The following TENM2 variants were observed in gnomAD, a reference collection of about 807,000 sequenced individuals.
TENM2 encodes the protein teneurin-2.
Under a neutral mutation model 245.2 loss-of-function variants are expected in TENM2, and 52 were observed. That is an observed-to-expected ratio of 0.21 (90% CI 0.17 to 0.27). The LOEUF (loss-of-function observed/expected upper bound fraction) is 0.27. Ranked by LOEUF, TENM2 falls within the 10% of genes least tolerant of loss-of-function variation. The pLI is 1.00. For missense variants in TENM2, 3,046 were observed against 3,666.8 expected, an observed-to-expected ratio of 0.83 and a Z score of 4.37; for synonymous variants, 1,363 against 1,438.9, an observed-to-expected ratio of 0.95 and a Z score of 1.19.
the TENM2 span, among the ~76,000 whole-genome samples, chr5:167,047,190 T>TCCG: frequency 6.6e-6 from 1 of 152,260 alleles, no homozygotes; most frequent in African/African-American, 2.4e-5. Context: ...TATCTGAATA[T>TCCG]TCTTCTTACA....
intron 2 of TENM2, among the ~76,000 whole-genome samples, chr5:167,761,833 C>T (rs773190846): frequency 6.6e-6 from 1 of 152,150 alleles, no homozygotes; most frequent in Non-Finnish European, 1.5e-5. Flanking sequence ...TCCATAGACA[C>T]ATTCAGCAAT....
chr5:167,185,631 T>A, the TENM2 span, among the ~76,000 whole-genome samples: 2 of 152,144 alleles, frequency 1.3e-5, no homozygotes, highest in African/African-American at 4.8e-5. Context: ...CTAGTTAGTC[T>A]TATATAAACT....
At chr5:168,198,188 CTT>C (rs35539116) in intron 15 of TENM2, among the ~76,000 whole-genome samples, 93 of 95,822 alleles carry the variant, frequency 9.7e-4, no homozygotes, top group African/African-American at 3.8e-3. Context: ...CCAATGAACC[CTT>C]TTTTTTTTTT....
At chr5:166,981,308 T>C in the TENM2 span, among the ~76,000 whole-genome samples, 2 of 152,338 alleles carry the variant, frequency 1.3e-5, no homozygotes, top group Non-Finnish European at 2.9e-5. Flanking sequence ...TTTTAAAATA[T>C]TTTCATGGAC....
At chr5:167,141,212 C>G in the TENM2 span, among the ~76,000 whole-genome samples, 1 of 152,144 alleles carries the variant, frequency 6.6e-6, no homozygotes, top group Admixed American at 6.5e-5. Context: ...GTATATTAGT[C>G]AATGGAAATT....
intron 3 of TENM2, among the ~76,000 whole-genome samples, chr5:167,892,361 G>A (rs547050359): frequency 1.3e-4 from 20 of 152,270 alleles, no homozygotes; most frequent in Non-Finnish European, 2.4e-4. Context: ...AATCAAATTA[G>A]GTCAGTCTTC....
At chr5:167,756,623 C>T (rs1243419978) in intron 2 of TENM2, among the ~76,000 whole-genome samples, 3 of 152,162 alleles carry the variant, frequency 2.0e-5, no homozygotes, top group Admixed American at 2.0e-4. Flanking sequence ...GGAACAAGGA[C>T]ATGTATCCCC....
At chr5:167,647,783 G>A (rs528236583) in intron 2 of TENM2, among the ~76,000 whole-genome samples, 1 of 152,110 alleles carries the variant, frequency 6.6e-6, no homozygotes, top group African/African-American at 2.4e-5. Context: ...TCTGTAGGAG[G>A]TGCTTGTAAG....
At chr5:168,227,516 CTTTT>C (rs56834297) in intron 24 of TENM2, among the ~76,000 whole-genome samples, 35 of 130,616 alleles carry the variant, frequency 2.7e-4, no homozygotes, top group African/African-American at 8.9e-4. Flanking sequence ...ATTTGCCTTT[CTTTT>C]TTTTTTTTTT....
At chr5:168,016,536 T>C (rs1019194297) in intron 5 of TENM2, among the ~76,000 whole-genome samples, 9 of 152,044 alleles carry the variant, frequency 5.9e-5, no homozygotes, top group African/African-American at 1.7e-4. Context: ...AGAGCAAGAG[T>C]GGCTTCAAAG....
chr5:168,184,095 A>G (rs1198795573), intron 13 of TENM2, among the ~76,000 whole-genome samples: 1 of 152,178 alleles, frequency 6.6e-6, no homozygotes, highest in East Asian at 1.9e-4. Flanking sequence ...CAAGGTAACT[A>G]CAACTTCTAA....
intron 1 of TENM2, among the ~76,000 whole-genome samples, chr5:167,317,801 T>C (rs1756461708): frequency 6.6e-6 from 1 of 152,140 alleles, no homozygotes; most frequent in Non-Finnish European, 1.5e-5. Flanking sequence ...CCTGCTGAGA[T>C]CATTGTGTGG....
the TENM2 span, among the ~76,000 whole-genome samples, chr5:167,029,796 ATTAT>A: frequency 2.4e-4 from 37 of 152,272 alleles, no homozygotes; most frequent in Non-Finnish European, 4.7e-4. Flanking sequence ...ATGTTACTTT[ATTAT>A]TTTCACAATC....
intron 4 of TENM2, among the ~76,000 whole-genome samples, chr5:167,959,051 C>T (rs1780783751): frequency 6.6e-6 from 1 of 152,132 alleles, no homozygotes; most frequent in Non-Finnish European, 1.5e-5. Context: ...GGGAAGTTCT[C>T]CTGGATAATA....
At chr5:167,744,067 G>A (rs1433404959) in intron 2 of TENM2, among the ~76,000 whole-genome samples, 2 of 152,198 alleles carry the variant, frequency 1.3e-5, no homozygotes, top group Non-Finnish European at 2.9e-5. Context: ...GAAACCAGCA[G>A]AAGCTAAAAC....
chr5:167,788,366 T>A (rs570930928), intron 2 of TENM2, among the ~76,000 whole-genome samples: 1 of 152,274 alleles, frequency 6.6e-6, no homozygotes, highest in South Asian at 2.1e-4. Flanking sequence ...AATTACAAAA[T>A]TCCTTAAAAC....
At chr5:167,034,557 GA>G in the TENM2 span, among the ~76,000 whole-genome samples, 3 of 146,454 alleles carry the variant, frequency 2.0e-5, no homozygotes, top group Non-Finnish European at 4.5e-5. Flanking sequence ...GTGAACCCGA[GA>G]GGCGGAGCTT....
chr5:168,172,590 A>G (rs1332684518), intron 13 of TENM2, among the ~76,000 whole-genome samples: 1 of 152,158 alleles, frequency 6.6e-6, no homozygotes, highest in Non-Finnish European at 1.5e-5. Flanking sequence ...CCCTCACAGC[A>G]CCTGAGTGTT....
chr5:167,762,344 C>T (rs558089143), intron 2 of TENM2, among the ~76,000 whole-genome samples: 9 of 152,248 alleles, frequency 5.9e-5, no homozygotes, highest in East Asian at 3.9e-4. Context: ...TTTTCAACTG[C>T]GTAAAGCATC....
Sources: allele counts gnomAD v4.1 joint callset (sites outside exome capture counted in the v4.1 genomes callset), GRCh38; gene constraint gnomAD v4.1.1; transcripts MANE v1.5; gene names NCBI Gene and HGNC (gene_info 2026-07-23, HGNC 2026-07-21).